ASTN2: variants seen among roughly 807,000 people sequenced by gnomAD.
ASTN2 encodes astrotactin-2.
Under a neutral mutation model 139.8 loss-of-function variants are expected in ASTN2, and 54 were observed. The ratio of observed to expected loss-of-function variants is 0.39; its 90% CI spans 0.31 to 0.48. The LOEUF is 0.48. Ranked by LOEUF, ASTN2 falls within the 20% of genes least tolerant of loss-of-function variation. The probability of loss-of-function intolerance (pLI) is 0.95; values close to 1 mark genes in which losing one functional copy is unlikely to be tolerated. For missense variants in ASTN2, 1,565 were observed against 1,725.1 expected, an observed-to-expected ratio of 0.91 and a Z score of 1.64; for synonymous variants, 756 against 719.5, an observed-to-expected ratio of 1.05 and a Z score of -0.81.
At chr9:116,586,354 G>C (rs906494639) in intron 19 of ASTN2, 3 of 152,084 alleles carry the variant, frequency 2.0e-5, no homozygotes, top group Non-Finnish European at 4.4e-5. Flanking sequence ...GTGTTCATTG[G>C]AGCACTATTC....
chr9:116,963,634 C>A (rs1167432703), intron 10 of ASTN2, among the ~76,000 whole-genome samples: 1 of 152,094 alleles, frequency 6.6e-6, no homozygotes, highest in Non-Finnish European at 1.5e-5. Context: ...GAGGCATGAC[C>A]ATTTTTGAGG....
At chr9:117,015,559 C>A (rs113236379) in intron 6 of ASTN2, among the ~76,000 whole-genome samples, 2 of 152,242 alleles carry the variant, frequency 1.3e-5, no homozygotes, top group African/African-American at 4.8e-5. Flanking sequence ...TATTTTCATC[C>A]ACTCCCCAGA....
At chr9:116,605,182 T>C (rs1449849341) in intron 19 of ASTN2, among the ~76,000 whole-genome samples, 1 of 151,308 alleles carries the variant, frequency 6.6e-6, no homozygotes, top group African/African-American at 2.4e-5. Context: ...GAGTTGAGAG[T>C]TGGCAGGAAG....
In ASTN2 at chr9:116,698,222, G is replaced by A. The variant is rs200196832; in HGVS notation, c.2806+27549C>T. The stretch of plus-strand genomic sequence containing the variant: ...AGTTAACTCGTCTGCGGGAACTTAT[G>A]GGGGAGCTGCAGCGGCGGAAGGCAG... On this transcript the variant is annotated intron_variant, in intron 16 of 22. Transcript: ENST00000313400. This position sits in a 1 kb window ranked among gnomAD's most constrained non-coding sequence, Gnocchi z 4.4. The A allele has an allele frequency of 1.6e-4, 258 of 1,614,004 alleles. 1 individual carries two copies. The highest frequency in any genetic ancestry group is 2.0e-4 in the Non-Finnish European group (238 of 1,180,042).
At chr9:116,776,058 A>G (rs1830081727) in intron 13 of ASTN2, among the ~76,000 whole-genome samples, 1 of 152,188 alleles carries the variant, frequency 6.6e-6, no homozygotes, top group Non-Finnish European at 1.5e-5. Flanking sequence ...GGTCCAGTCC[A>G]TGGTCTAAAT....
At chr9:116,663,317 T>A (rs372061137) in intron 16 of ASTN2, among the ~76,000 whole-genome samples, 191 of 152,208 alleles carry the variant, frequency 1.3e-3, no homozygotes, top group African/African-American at 4.4e-3. Flanking sequence ...GAGGCCACTT[T>A]GGGGCCAGGG....
At chr9:116,681,930 A>C (rs1344927538) in intron 16 of ASTN2, among the ~76,000 whole-genome samples, 1 of 151,338 alleles carries the variant, frequency 6.6e-6, no homozygotes, top group East Asian at 1.9e-4. Flanking sequence ...CCCTAGAAGA[A>C]AACCTAGGCA....
chr9:116,673,472 T>C (rs974369176), intron 16 of ASTN2, among the ~76,000 whole-genome samples: 1 of 152,340 alleles, frequency 6.6e-6, no homozygotes, highest in East Asian at 1.9e-4. Context: ...CCAAAATATG[T>C]TGAAAGCCTA....
intron 2 of ASTN2, among the ~76,000 whole-genome samples, chr9:117,236,945 T>C (rs1463138727): frequency 3.3e-5 from 5 of 152,216 alleles, no homozygotes; most frequent in Admixed American, 3.3e-4. Flanking sequence ...GCAAAAAATA[T>C]AGGGATAGTT....
intron 20 of ASTN2, 130 bp from the exon 21 acceptor site, chr9:116,442,683 T>A: frequency 1.4e-6 from 1 of 732,814 alleles, no homozygotes; most frequent in South Asian, 1.6e-5. Flanking sequence ...GAATGATACT[T>A]ATAAAGCATT....
intron 6 of ASTN2, among the ~76,000 whole-genome samples, chr9:117,026,172 G>T (rs1338678133): frequency 6.6e-6 from 1 of 151,872 alleles, no homozygotes; most frequent in Non-Finnish European, 1.5e-5. Flanking sequence ...TCTCACATCG[G>T]GATGCTGGTG....
intron 10 of ASTN2, among the ~76,000 whole-genome samples, chr9:116,940,462 T>G (rs1402100404): frequency 1.3e-5 from 2 of 152,162 alleles, no homozygotes; most frequent in Non-Finnish European, 2.9e-5. Context: ...TAGAAGACAG[T>G]GATATTGATG....
chr9:116,980,329 G>T (rs1394654162), intron 7 of ASTN2, among the ~76,000 whole-genome samples: 1 of 151,690 alleles, frequency 6.6e-6, no homozygotes, highest in Non-Finnish European at 1.5e-5. Context: ...ACACTACATG[G>T]GTGCAATATA....
intron 5 of ASTN2, among the ~76,000 whole-genome samples, chr9:117,050,260 C>T (rs1486888563): frequency 6.6e-6 from 1 of 152,088 alleles, no homozygotes; most frequent in African/African-American, 2.4e-5. Flanking sequence ...CAGTCACCTC[C>T]CATTTCCATG....
chr9:116,641,840 C>T lies in ASTN2; in HGVS notation c.3072+9688G>A, dbSNP rs181765670. Among the ~76,000 whole-genome samples, 178 of 152,072 alleles carry T rather than the reference C, an allele frequency of 1.2e-3. 1 individual carries two copies. The highest frequency in any genetic ancestry group is 2.0e-3 in the Non-Finnish European group (137 of 67,982). On this transcript the variant is annotated intron_variant, in intron 17 of 22. Transcript: ENST00000313400. ...GTTGAGTAATATGTGGATTACTTCT[C>T]CCTCTTTTCTTTGATCTTCCCTGTT...
chr9:116,492,908 A>G (rs2119107600), intron 19 of ASTN2, among the ~76,000 whole-genome samples: 1 of 152,288 alleles, frequency 6.6e-6, no homozygotes, highest in South Asian at 2.1e-4. Context: ...AACAGGAGAG[A>G]GATTGGGGCC....
intron 1 of ASTN2, among the ~76,000 whole-genome samples, chr9:117,318,296 A>G (rs1162939557): frequency 6.6e-6 from 1 of 152,152 alleles, no homozygotes; most frequent in Non-Finnish European, 1.5e-5. Context: ...AAGTTTTGTG[A>G]GGACAGCACT....
intron 1 of ASTN2, among the ~76,000 whole-genome samples, chr9:117,322,443 C>T (rs943590817): frequency 6.6e-6 from 1 of 152,190 alleles, no homozygotes; most frequent in African/African-American, 2.4e-5. Flanking sequence ...TCATAGGCTA[C>T]TACTATTACT....
chr9:116,520,236 A>T (rs1373138370), intron 19 of ASTN2, among the ~76,000 whole-genome samples: 2 of 152,144 alleles, frequency 1.3e-5, no homozygotes, highest in Non-Finnish European at 2.9e-5. Flanking sequence ...ATGAACATAG[A>T]TGCAAAAATT....
Sources: allele counts gnomAD v4.1 joint callset (sites outside exome capture counted in the v4.1 genomes callset), GRCh38; gene constraint gnomAD v4.1.1; non-coding constraint Gnocchi (gnomAD v3.1); transcripts MANE v1.5; gene names NCBI Gene and HGNC (gene_info 2026-07-23, HGNC 2026-07-21).